The following HS6ST3 variants were observed in gnomAD, a reference collection of about 807,000 sequenced individuals.
HS6ST3 encodes heparan-sulfate 6-O-sulfotransferase 3.
Under a neutral mutation model 36.7 loss-of-function variants are expected in HS6ST3, and 12 were observed. The observed-to-expected ratio is 0.33, with a 90% confidence interval of 0.21 to 0.53. HS6ST3 has a LOEUF of 0.53. Ranked by LOEUF, HS6ST3 falls within the 20% of genes least tolerant of loss-of-function variation. The pLI is 0.95. For synonymous variants in HS6ST3, 240 were observed against 257.5 expected, an observed-to-expected ratio of 0.93 and a Z score of 0.65; for missense variants, 584 against 640.9, an observed-to-expected ratio of 0.91 and a Z score of 0.96.
intron 1 of HS6ST3, among the ~76,000 whole-genome samples, chr13:96,601,438 CCTAA>C (rs1245964471): frequency 6.6e-6 from 1 of 151,822 alleles, no homozygotes; most frequent in Non-Finnish European, 1.5e-5. Context: ...TTTGTAATTC[CCTAA>C]CTGTGTTTAT....
chr13:96,244,273 C>T (rs1410923995), intron 1 of HS6ST3, among the ~76,000 whole-genome samples: 1 of 152,078 alleles, frequency 6.6e-6, no homozygotes, highest in East Asian at 1.9e-4. Context: ...TAGATAATCT[C>T]ACAGGTGTAC....
chr13:96,586,769 A>G (rs769409911), intron 1 of HS6ST3, among the ~76,000 whole-genome samples: 2 of 151,898 alleles, frequency 1.3e-5, no homozygotes, highest in Non-Finnish European at 2.9e-5. Context: ...TCTTCACTTG[A>G]TTGTTTTCTT....
chr13:96,241,824 C>T (rs1400069489), intron 1 of HS6ST3, among the ~76,000 whole-genome samples: 3 of 138,352 alleles, frequency 2.2e-5, no homozygotes, highest in African/African-American at 5.5e-5. Context: ...CTGGCTCTGT[C>T]GCCAAGGCTG....
chr13:96,453,004 G>T (rs2055735754), intron 1 of HS6ST3, among the ~76,000 whole-genome samples: 1 of 151,914 alleles, frequency 6.6e-6, no homozygotes. Context: ...GAGCTTTGGG[G>T]TTGCCCCTCT....
intron 1 of HS6ST3, among the ~76,000 whole-genome samples, chr13:96,758,021 T>G (rs1048364813): frequency 6.6e-6 from 1 of 152,070 alleles, no homozygotes; most frequent in Admixed American, 6.6e-5. Context: ...AAATTGGCGT[T>G]TCTGCCTTAA....
At chr13:96,241,587 C>T (rs1426015668) in intron 1 of HS6ST3, among the ~76,000 whole-genome samples, 1 of 150,548 alleles carries the variant, frequency 6.6e-6, no homozygotes, top group Non-Finnish European at 1.5e-5. Context: ...TCACTTAGAA[C>T]CTTATGGTCC....
chr13:96,132,121 T>TAC (rs60692669), intron 1 of HS6ST3, among the ~76,000 whole-genome samples: 3,128 of 134,534 alleles, frequency 0.023, 61 homozygotes, highest in Admixed American at 0.056. Context: ...AGTATTCCAG[T>TAC]ACACACACAC....
In HS6ST3 at chr13:96,776,238, G is replaced by C. The variant is rs369626440; in HGVS notation, c.708-56252G>C. On this transcript the variant is annotated intron_variant, in intron 1 of 1. Transcript: ENST00000376705. ...CACTAAATGTCCACAGGAGAAAGCA[G>C]AAAGATCTAAAATCAACACCCTAAC... 3.9e-5 allele frequency among the ~76,000 whole-genome samples: 6 copies of C among 152,008 alleles called. No homozygotes were observed. The East Asian group carries it at 1.2e-3, about 29-fold the overall frequency.
At chr13:96,127,012 C>G (rs1022192079) in intron 1 of HS6ST3, among the ~76,000 whole-genome samples, 1 of 152,126 alleles carries the variant, frequency 6.6e-6, no homozygotes, top group Non-Finnish European at 1.5e-5. Flanking sequence ...ATTTAGCTAC[C>G]ATTTCGGCCA....
chr13:96,468,550 C>A (rs1443726663), intron 1 of HS6ST3, among the ~76,000 whole-genome samples: 1 of 151,320 alleles, frequency 6.6e-6, no homozygotes, highest in Non-Finnish European at 1.5e-5. Flanking sequence ...TCTTTTTCTG[C>A]AAGGAAAATG....
chr13:96,375,821 G>A (rs1227648170), intron 1 of HS6ST3, among the ~76,000 whole-genome samples: 6 of 152,082 alleles, frequency 3.9e-5, no homozygotes, highest in South Asian at 2.1e-4. Flanking sequence ...TTTTCTTTAC[G>A]AATATTGCTG....
chr13:96,249,551 G>A (rs2054598520), intron 1 of HS6ST3, among the ~76,000 whole-genome samples: 1 of 152,142 alleles, frequency 6.6e-6, no homozygotes, highest in South Asian at 2.1e-4. Flanking sequence ...TAAGGACAGG[G>A]TAGTTTGCTA....
At chr13:96,151,544 T>G (rs188486584) in intron 1 of HS6ST3, among the ~76,000 whole-genome samples, 47 of 152,352 alleles carry the variant, frequency 3.1e-4, no homozygotes, top group Non-Finnish European at 6.2e-4. Context: ...GGAGAGATTA[T>G]AGTTGACTGT....
Position 96,832,468 on chromosome 13 carries a change from C to A in HS6ST3, c.708-22C>A, listed in dbSNP as rs1258572470. ...CTGTTAGAGTTGTCAACTACTGATG[C>A]TCTTCCTCTAATTTCTTCTAGGAAT... On this transcript the variant is annotated intron_variant, in intron 1 of 1. Transcript: ENST00000376705. 2.7e-6 allele frequency: 4 copies of A among 1,506,818 alleles called. No individual in the cohort carries two copies. The African/African-American group carries it at 5.6e-5, about 21-fold the overall frequency. 93.3% of individuals were successfully genotyped at this position (1,506,818 alleles called of 1,614,324 possible).
chr13:96,812,178 A>G (rs1195660945), intron 1 of HS6ST3, among the ~76,000 whole-genome samples: 2 of 152,158 alleles, frequency 1.3e-5, no homozygotes, highest in African/African-American at 4.8e-5. Flanking sequence ...GTTTGTATAG[A>G]AAACTTTACA....
At chr13:96,232,658 C>G (rs1051296904) in intron 1 of HS6ST3, among the ~76,000 whole-genome samples, 2 of 152,012 alleles carry the variant, frequency 1.3e-5, no homozygotes, top group Admixed American at 6.6e-5. Context: ...AGCCCAGAGA[C>G]AAGGACTGGA....
chr13:96,579,120 G>GTA (rs996737135), intron 1 of HS6ST3, among the ~76,000 whole-genome samples: 6 of 152,098 alleles, frequency 3.9e-5, no homozygotes, highest in Non-Finnish European at 8.8e-5. Flanking sequence ...AGGTGAGATA[G>GTA]TATATATATA....
chr13:96,727,500 C>A (rs1250605626), intron 1 of HS6ST3, among the ~76,000 whole-genome samples: 21 of 152,264 alleles, frequency 1.4e-4, no homozygotes, highest in Non-Finnish European at 1.0e-4. Flanking sequence ...CTCCTACAAT[C>A]TGTTCTCTGC....
chr13:96,195,496 C>T (rs1385220023), intron 1 of HS6ST3, among the ~76,000 whole-genome samples: 1 of 152,144 alleles, frequency 6.6e-6, no homozygotes, highest in Non-Finnish European at 1.5e-5. Flanking sequence ...CAAGTGTGTG[C>T]ATAAATTCTG....
Sources: gnomAD v4.1 joint callset for allele counts (sites outside exome capture counted in the v4.1 genomes callset) on GRCh38, gnomAD v4.1.1 for gene constraint, MANE v1.5 for transcripts, NCBI Gene and HGNC (gene_info 2026-07-23, HGNC 2026-07-21) for gene names.